LDAH: variants seen among roughly 807,000 people sequenced by gnomAD.
LDAH encodes the protein lipid droplet-associated hydrolase.
Under a neutral mutation model 29.6 loss-of-function variants are expected in LDAH, and 26 were observed. That is an observed-to-expected ratio of 0.88 (90% CI 0.64 to 1.22). The LOEUF (loss-of-function observed/expected upper bound fraction) is 1.22, where lower values mean the gene tolerates loss of function less well. LDAH is among the 50% of genes most tolerant of loss of function. The pLI, the probability that LDAH is intolerant of heterozygous loss-of-function variation, is 0.00. For missense variants in LDAH, 344 were observed against 387.3 expected (o/e 0.89, Z 0.94); for synonymous variants, 117 against 133.0 (o/e 0.88, Z 0.83).
chr2:20,790,300 G>A lies in LDAH; in HGVS notation c.253C>T (p.His85Tyr), dbSNP rs1670857717. 1.2e-6 allele frequency: 2 copies of A among 1,614,074 alleles called. No homozygotes were observed. The highest frequency in any genetic ancestry group is 4.5e-5 in the East Asian group (2 of 44,878). The change falls in exon 3 of 7, where the codon CAT (histidine) becomes TAT (tyrosine). Residue 85 changes from histidine to tyrosine, a missense_variant. Coordinates refer to ENST00000237822, the MANE Select transcript of LDAH (RefSeq NM_021925.4). ...TTCTTGTCTTTGGGAGCCAACGCAT[G>A]CCCAGCATGACTGATAGTCCAAACT... ...FPVWTISHAG[H>Y]ALAPKDKKIL...
chr2:20,728,567 A>T (rs1159490771), intron 5 of LDAH, among the ~76,000 whole-genome samples: 1 of 152,140 alleles, frequency 6.6e-6, no homozygotes, highest in Non-Finnish European at 1.5e-5. Context: ...CTTTGTGGGA[A>T]GCAAGGTACT....
At chr2:20,697,374 G>A (rs1246128154) in intron 6 of LDAH, among the ~76,000 whole-genome samples, 1 of 152,102 alleles carries the variant, frequency 6.6e-6, no homozygotes, top group Non-Finnish European at 1.5e-5. Flanking sequence ...TTTGTAAACA[G>A]GCTCCCCAAC....
At chr2:20,803,636 T>C (rs1264852274) in intron 1 of LDAH, among the ~76,000 whole-genome samples, 4 of 152,132 alleles carry the variant, frequency 2.6e-5, no homozygotes, top group Non-Finnish European at 5.9e-5. Flanking sequence ...CATGCTCTCC[T>C]ACCAGTCTTA....
intron 1 of LDAH, among the ~76,000 whole-genome samples, chr2:20,814,234 G>T (rs1057157603): frequency 2.0e-5 from 3 of 150,076 alleles, no homozygotes; most frequent in African/African-American, 2.5e-5. Flanking sequence ...GACAATGGGG[G>T]GGGGGGGTCC....
chr2:20,766,723 C>T (rs905251444), intron 4 of LDAH, among the ~76,000 whole-genome samples: 1 of 152,238 alleles, frequency 6.6e-6, no homozygotes, highest in African/African-American at 2.4e-5. Flanking sequence ...TGACTTCCAC[C>T]TCTTTCCCCT....
intron 3 of LDAH, chr2:20,789,460 A>G (rs1393081656): frequency 9.2e-6 from 13 of 1,412,528 alleles, no homozygotes; most frequent in South Asian, 4.6e-5. Context: ...TACTTAGTCT[A>G]TGGTATTTTG....
chr2:20,749,775 G>A (rs1667831643), intron 4 of LDAH, among the ~76,000 whole-genome samples: 2 of 152,194 alleles, frequency 1.3e-5, no homozygotes, highest in African/African-American at 4.8e-5. Context: ...AATGGCTGAA[G>A]TGTATAAGTC....
chr2:20,801,187 G>A, intron 2 of LDAH, 123 bp downstream of exon 2: 3 of 985,358 alleles, frequency 3.0e-6, no homozygotes, highest in Non-Finnish European at 4.5e-6. Flanking sequence ...TGTTAACAAT[G>A]GGTCAAGCGA....
At chr2:20,748,825 T>G (rs2124885146) in intron 4 of LDAH, among the ~76,000 whole-genome samples, 1 of 152,156 alleles carries the variant, frequency 6.6e-6, no homozygotes, top group East Asian at 1.9e-4. Flanking sequence ...CAGAATGTGA[T>G]AGGATGGCTC....
In LDAH at chr2:20,805,937, A is replaced by G. The variant is rs1410993519; in HGVS notation, c.-2-4472T>C. 3.3e-5 allele frequency among the ~76,000 whole-genome samples: 5 copies of G among 152,124 alleles called. No individual in the cohort carries two copies. The East Asian group carries it at 9.6e-4, about 29-fold the overall frequency. On this transcript the variant is annotated intron_variant, in intron 1 of 6. Transcript: ENST00000237822. Reference sequence around the variant, plus strand: ...TATTATAAAGTTAGCCATTGAGAACAGTAAGACTGTACTAATAAATAAAAT... The same window carrying G: ...TATTATAAAGTTAGCCATTGAGAACGGTAAGACTGTACTAATAAATAAAAT...
rs546230587 is a variant in LDAH at position 20,781,264 on chromosome 2, T to C, written c.299-6285A>G. ...TTTTTTTCCCCTCGAATCATCCCCT[T>C]CTGACATTGGTGAACATCTGTTCTT... On this transcript the variant is annotated intron_variant, in intron 3 of 6. Transcript: ENST00000237822. Among the ~76,000 whole-genome samples, 4 of 152,308 alleles carry C rather than the reference T, an allele frequency of 2.6e-5. No homozygotes were observed. In the South Asian group the frequency reaches 8.3e-4, roughly 32 times the overall value.
intron 5 of LDAH, among the ~76,000 whole-genome samples, chr2:20,702,875 C>T (rs188747281): frequency 8.5e-5 from 13 of 152,252 alleles, no homozygotes; most frequent in East Asian, 5.8e-4. Flanking sequence ...CTTTGTTGCC[C>T]GGGCTGGAGG....
rs557186781 is a variant in LDAH, at chr2:20,776,459, A to G, written c.299-1480T>C. On this transcript the variant is annotated intron_variant, in intron 3 of 6. Transcript: ENST00000237822. ...CAGGTCTTGCTTATCACTGCTCCCC[A>G]AAGTCCAGCATACAGTTATTGAAAA... 3.3e-5 allele frequency among the ~76,000 whole-genome samples: 5 copies of G among 152,278 alleles called. No homozygotes were observed. In the East Asian group the frequency reaches 9.6e-4, roughly 29 times the overall value.
At chr2:20,715,491 C>T (rs1438673721) in intron 5 of LDAH, among the ~76,000 whole-genome samples, 3 of 152,210 alleles carry the variant, frequency 2.0e-5, no homozygotes, top group Non-Finnish European at 4.4e-5. Context: ...TGCCCTATCT[C>T]ACCACACCTA....
At chr2:20,815,520 CA>C (rs1672790406) in intron 1 of LDAH, among the ~76,000 whole-genome samples, 1 of 151,966 alleles carries the variant, frequency 6.6e-6, no homozygotes, top group Non-Finnish European at 1.5e-5. Flanking sequence ...AAAAAAATCT[CA>C]AAAGCAGCCA....
intron 6 of LDAH, among the ~76,000 whole-genome samples, chr2:20,688,517 C>A (rs1558375206): frequency 6.6e-6 from 1 of 152,076 alleles, no homozygotes; most frequent in Non-Finnish European, 1.5e-5. Context: ...CCACTCTGGC[C>A]ACAACGAGAA....
intron 5 of LDAH, among the ~76,000 whole-genome samples, chr2:20,731,711 T>C (rs1045348030): frequency 5.3e-5 from 8 of 152,164 alleles, no homozygotes; most frequent in Non-Finnish European, 1.2e-4. Context: ...TACATTATAT[T>C]TTAAATTTTG....
intron 5 of LDAH, among the ~76,000 whole-genome samples, chr2:20,726,095 A>G (rs1251127019): frequency 6.6e-6 from 1 of 152,236 alleles, no homozygotes; most frequent in African/African-American, 2.4e-5. Context: ...ATAAAAGTGA[A>G]TAGAAATAGG....
chr2:20,770,547 G>A (rs1032311076), intron 4 of LDAH, among the ~76,000 whole-genome samples: 1 of 152,162 alleles, frequency 6.6e-6, no homozygotes, highest in Non-Finnish European at 1.5e-5. Context: ...ATAGAGGGTT[G>A]ATAAGAGAAA....
Sources: gnomAD v4.1 joint callset for allele counts (sites outside exome capture counted in the v4.1 genomes callset) on GRCh38, gnomAD v4.1.1 for gene constraint, MANE v1.5 for transcripts, NCBI Gene and HGNC (gene_info 2026-07-23, HGNC 2026-07-21) for gene names.